The following ZBED1 variants were observed in gnomAD, a reference collection of about 807,000 sequenced individuals.
ZBED1 encodes the protein zinc finger BED-type containing 1, also known as E3 SUMO-protein ligase ZBED1.
ZBED1 carries 19 observed loss-of-function variants against 49.7 expected under a neutral mutation model. The ratio of observed to expected loss-of-function variants is 0.38; its 90% CI spans 0.27 to 0.56. ZBED1 has a LOEUF of 0.56. ZBED1 is among the 20% of genes least tolerant of loss of function. The pLI is 0.70. For synonymous variants in ZBED1, 439 were observed against 440.3 expected, an observed-to-expected ratio of 1.00 and a Z score of 0.04; for missense variants, 806 against 972.6, an observed-to-expected ratio of 0.83 and a Z score of 2.28.
At chrX:2,498,466 G>C (rs1342321165) in intron 1 of ZBED1, among the ~76,000 whole-genome samples, 1 of 152,104 alleles carries the variant, frequency 6.6e-6, no homozygotes, top group Non-Finnish European at 1.5e-5. Context: ...TCCATACATA[G>C]GAAGGGGCTC....
intron 1 of ZBED1, 29 bp downstream of exon 1, chrX:2,500,788 A>C: frequency 1.2e-6 from 1 of 802,870 alleles, no homozygotes; most frequent in South Asian, 5.8e-5. Context: ...GGGTCCCCGG[A>C]GCCCTGACCC....
At chrX:2,491,678 C>T (rs1380022670) in intron 1 of ZBED1, among the ~76,000 whole-genome samples, 10 of 152,214 alleles carry the variant, frequency 6.6e-5, no homozygotes, top group Admixed American at 3.9e-4. Context: ...CCATGTGGAA[C>T]GTCACAGGTG....
chrX:2,487,368 C>CTTTTG lies in ZBED1; in HGVS notation c.*1262_*1266dup, dbSNP rs67311651. On this transcript the variant is annotated 3_prime_UTR_variant, in exon 2 of 2. Coordinates refer to ENST00000652001, the MANE Select transcript of ZBED1 (RefSeq NM_001171136.2). ...AACCTCCGGACCCGTGAGCCACCCA[C>CTTTTG]TTTTGTTTTGTTTTGAGACGGAGTC... 1 of 151,886 alleles carries CTTTTG rather than the reference C, an allele frequency of 6.6e-6. No homozygotes were observed. Among genetic ancestry groups the CTTTTG allele is most frequent in the Non-Finnish European group, 1.5e-5 (1 of 67,966 alleles). The allele number at this position is 151,886 out of a possible 1,614,324, so 9.4% of individuals were successfully genotyped here.
chrX:2,493,990 A>AC (rs911431624), intron 1 of ZBED1, among the ~76,000 whole-genome samples: 1 of 151,672 alleles, frequency 6.6e-6, no homozygotes, highest in Non-Finnish European at 1.5e-5. Context: ...GAAGAAAACA[A>AC]AAAAAAAGAT....
intron 1 of ZBED1, among the ~76,000 whole-genome samples, chrX:2,499,228 T>C (rs774281973): frequency 6.6e-6 from 1 of 152,200 alleles, no homozygotes; most frequent in East Asian, 1.9e-4. Flanking sequence ...CGTGCAGTAG[T>C]GTCTTCCAGA....
At position 2,498,547 on chromosome X, in the gene ZBED1, T is replaced by G. The variant is rs147919853; in HGVS notation, c.-54+2270A>C. 1.5e-4 allele frequency among the ~76,000 whole-genome samples: 23 copies of G among 151,388 alleles called. 1 individual carries two copies. The highest frequency in any genetic ancestry group is 5.6e-4 in the African/African-American group (23 of 41,260). ...GTTTCGATACACACCCGGGTACAGA[T>G]TCCCTTGGCAGACACGTGACTTCAC... On this transcript the variant is annotated intron_variant, in intron 1 of 1. Coordinates refer to ENST00000652001, the MANE Select transcript of ZBED1 (RefSeq NM_001171136.2).
intron 1 of ZBED1, among the ~76,000 whole-genome samples, chrX:2,495,341 A>C (rs1452245841): frequency 6.6e-6 from 1 of 151,824 alleles, no homozygotes; most frequent in African/African-American, 2.4e-5. Context: ...CCATGAACAA[A>C]GGTTTATATT....
intron 1 of ZBED1, among the ~76,000 whole-genome samples, chrX:2,496,796 C>T (rs944831545): frequency 8.0e-5 from 12 of 150,072 alleles, no homozygotes; most frequent in African/African-American, 2.7e-4. Context: ...ATAAAAATAT[C>T]AATTGTTTTT....
chrX:2,489,458 A>G lies in ZBED1; in HGVS notation c.1262T>C (p.Met421Thr), dbSNP rs1430404007. The part of the protein sequence containing the change: ...LSASRYPTIS[M>T]VKPLLHMLLN... ...GAGCATGTGCAGCAGCGGCTTCACC[A>G]TGCTGATGGTGGGGTACCTGGAGGC... is the stretch of plus-strand genomic sequence containing the variant. The change falls in exon 2 of 2, where the codon ATG becomes ACG. Residue 421 changes from methionine to threonine, a missense_variant. Physicochemically the swap from Met to Thr is moderately conservative, Grantham distance 81 (BLOSUM62 -1). Coordinates refer to ENST00000652001, the MANE Select transcript of ZBED1 (RefSeq NM_001171136.2). The G allele has an allele frequency of 6.2e-7, 1 of 1,613,800 alleles. No individual in the cohort carries two copies. Among genetic ancestry groups the G allele is most frequent in the Admixed American group, 1.7e-5 (1 of 60,002 alleles).
Position 2,489,347 on chromosome X carries a change from G to A in ZBED1, c.1373C>T (p.Thr458Ile), listed in dbSNP as rs1210285492. The change falls in exon 2 of 2, where the codon ACC becomes ATC. Residue 458 changes from threonine to isoleucine, a missense_variant. Physicochemically the swap from Thr to Ile is moderately conservative, Grantham distance 89. This residue lies in a region of ZBED1 where 749 missense variants were observed against 861.3 expected (regional missense o/e 0.87). Coordinates refer to ENST00000652001, the MANE Select transcript of ZBED1 (RefSeq NM_001171136.2). The part of the protein sequence containing the change: ...KEVIAKELSK[T>I]YQETPEIDMF... ...GTCGATCTCGGGCGTCTCCTGGTAG[G>A]TCTTGGAAAGCTCCTTGGCGATGAC... The A allele has an allele frequency of 5.6e-6, 9 of 1,613,506 alleles. No individual in the cohort carries two copies. The African/African-American group carries it at 6.7e-5, about 12-fold the overall frequency.
Position 2,490,441 on chromosome X carries a change from G to C in ZBED1, c.279C>G (p.Ala93=), listed in dbSNP as rs149469359. ...TEQMREAFAT[A]FSKLKPESSQ... ...ACGACTCGGGCTTCAGCTTGGAGAA[G>C]GCGGTGGCGAAGGCTTCACGCATCT... The change falls in exon 2 of 2, where the codon GCC becomes GCG. Residue 93 remains alanine (A), a synonymous_variant. Transcript: ENST00000652001. 39 of 1,613,998 alleles carry C rather than the reference G, an allele frequency of 2.4e-5. No homozygotes were observed. In the African/African-American group the frequency reaches 4.0e-4, roughly 17 times the overall value.
Position 2,488,347 on chromosome X carries a change from G to C in ZBED1, c.*288C>G. 1 of 386,348 alleles carries C rather than the reference G, an allele frequency of 2.6e-6. No individual in the cohort carries two copies. The highest frequency in any genetic ancestry group is 4.4e-5 in the East Asian group (1 of 22,788). The allele number at this position is 386,348 out of a possible 1,614,324, so 23.9% of individuals were successfully genotyped here. On this transcript the variant is annotated 3_prime_UTR_variant, in exon 2 of 2. Transcript: ENST00000652001. The stretch of plus-strand genomic sequence containing the variant: ...ATGCCATCAGTCCTGGCTAATTTTT[G>C]TATTTTTAGTAGAGACGGGGTTTCG...
chrX:2,489,609 T>C lies in ZBED1; in HGVS notation c.1111A>G (p.Ile371Val). ...CTGTCCTCCACCAAGACCCCGGCGA[T>C]GACGAACTGCTGCTCCTTGAGGCGC... ...LQRLKEQQFV[I>V]AGVLVEDSNN... Residue 371 changes from isoleucine to valine, a missense_variant, in exon 2 of 2, where the codon ATC becomes GTC. Transcript: ENST00000652001. The C allele has an allele frequency of 6.2e-7, 1 of 1,612,572 alleles. No homozygotes were observed. Among genetic ancestry groups the C allele is most frequent in the Non-Finnish European group, 8.5e-7 (1 of 1,179,812 alleles).
intron 1 of ZBED1, chrX:2,500,296 C>A: frequency 5.4e-6 from 1 of 184,456 alleles, no homozygotes; most frequent in Non-Finnish European, 1.2e-5. Flanking sequence ...CGGAGAAGGG[C>A]CCATCCTCAC....
intron 1 of ZBED1, among the ~76,000 whole-genome samples, chrX:2,494,990 A>G (rs1201061639): frequency 6.6e-6 from 1 of 151,748 alleles, no homozygotes; most frequent in Non-Finnish European, 1.5e-5. Flanking sequence ...TACTGTTATT[A>G]TTATTACTGG....
Position 2,490,780 on chromosome X carries a change from G to A in ZBED1, c.-53-8C>T. 3 of 1,564,156 alleles carry A rather than the reference G, an allele frequency of 1.9e-6. No individual in the cohort carries two copies. Among genetic ancestry groups the A allele is most frequent in the Non-Finnish European group, 2.6e-6 (3 of 1,155,392 alleles). On this transcript the variant is annotated splice_polypyrimidine_tract_variant and splice_region_variant and intron_variant, in intron 1 of 1. Coordinates refer to ENST00000652001, the MANE Select transcript of ZBED1 (RefSeq NM_001171136.2). ...CTCATGCGTGGGGACCTGCTGAGAAGGGCCAAGACAAACACAGCATGAGAA... is the reference window on the plus strand; with the variant it reads ...CTCATGCGTGGGGACCTGCTGAGAAAGGCCAAGACAAACACAGCATGAGAA...
At chrX:2,493,267 G>A (rs755310159) in intron 1 of ZBED1, among the ~76,000 whole-genome samples, 3 of 152,248 alleles carry the variant, frequency 2.0e-5, no homozygotes, top group Admixed American at 6.5e-5. Context: ...ATCTCAAGAG[G>A]CCTCCTAAGT....
At position 2,489,495 on chromosome X, in the gene ZBED1, C is replaced by T. The variant is rs773951450; in HGVS notation, c.1225G>A (p.Glu409Lys). ...GGGTACCTGGAGGCCGACAGCATCT[C>T]GGCCACCTGCTTGAAGGGCTGCAGG... ...ELLQPFKQVA[E>K]MLSASRYPTI... Residue 409 changes from glutamate (E) to lysine (K), a missense_variant, in exon 2 of 2, where the codon GAG (glutamate) becomes AAG (lysine). Glu to Lys is a moderately conservative substitution (Grantham distance 56). Around this residue, in one of 2 missense-constraint regions of ZBED1, gnomAD observed 749 missense variants for 861.3 expected, o/e 0.87. Transcript: ENST00000652001. 22 of 1,613,432 alleles carry T rather than the reference C, an allele frequency of 1.4e-5. No individual in the cohort carries two copies. In the Admixed American group the frequency reaches 2.3e-4, roughly 17 times the overall value.
At position 2,487,826 on chromosome X, in the gene ZBED1, G is replaced by A. The variant is rs932922172; in HGVS notation, c.*809C>T. 3 of 151,910 alleles carry A rather than the reference G, an allele frequency of 2.0e-5. No homozygotes were observed. The highest frequency in any genetic ancestry group is 3.4e-3 in the Middle Eastern group (1 of 294). The allele number at this position is 151,910 out of a possible 1,614,324, so 9.4% of individuals were successfully genotyped here. A position where few individuals can be genotyped will look rare whatever the true frequency, so the allele number is the denominator to read the frequency against. On this transcript the variant is annotated 3_prime_UTR_variant, in exon 2 of 2. Transcript: ENST00000652001. ...TAAAAAAAAAGGTCTCTCTTTTTAA[G>A]AAGGGCATTTTGGCTAAAAGGTCTC...
Sources: gnomAD v4.1 joint callset for allele counts (sites outside exome capture counted in the v4.1 genomes callset) on GRCh38, gnomAD v4.1.1 for gene constraint, gnomAD v4.1.1 regional missense constraint, MANE v1.5 for transcripts, NCBI Gene and HGNC (gene_info 2026-07-23, HGNC 2026-07-21) for gene names.